ZFHX3: variants seen among roughly 807,000 people sequenced by gnomAD.
ZFHX3 encodes zinc finger homeobox protein 3.
A neutral mutation model predicts 279.1 loss-of-function variants in ZFHX3; 42 were observed. The ratio of observed to expected loss-of-function variants is 0.15; its 90% CI spans 0.12 to 0.19. The LOEUF (loss-of-function observed/expected upper bound fraction) is 0.19, where lower values mean the gene tolerates loss of function less well. ZFHX3 is among the 10% of genes least tolerant of loss of function. The pLI is 1.00. For missense variants in ZFHX3, 4,981 were observed against 4,754.0 expected (o/e 1.05, Z -1.40); for synonymous variants, 2,293 against 1,957.8 (o/e 1.17, Z -4.52).
intron 2 of ZFHX3, among the ~76,000 whole-genome samples, chr16:73,482,582 T>G (rs563656673): frequency 2.0e-5 from 3 of 152,254 alleles, no homozygotes; most frequent in Admixed American, 2.0e-4. Flanking sequence ...CAACACTAAT[T>G]AGTAATGCAA....
At chr16:73,568,818 A>G (rs2020486937) in intron 2 of ZFHX3, among the ~76,000 whole-genome samples, 1 of 152,036 alleles carries the variant, frequency 6.6e-6, no homozygotes, top group African/African-American at 2.4e-5. Context: ...CTCAAAACAG[A>G]TTACATGGTA....
At chr16:72,882,976 G>C (rs2038520947) in intron 4 of ZFHX3, among the ~76,000 whole-genome samples, 1 of 123,324 alleles carries the variant, frequency 8.1e-6, no homozygotes. Flanking sequence ...CACCACTCTG[G>C]GGTGTGTGTG....
chr16:73,770,910 T>C (rs1368393256), intron 1 of ZFHX3, among the ~76,000 whole-genome samples: 3 of 152,188 alleles, frequency 2.0e-5, no homozygotes, highest in Non-Finnish European at 2.9e-5. Context: ...GACGGATGGA[T>C]GGATCACTTT....
At chr16:73,787,598 T>C (rs1394601495) in intron 1 of ZFHX3, among the ~76,000 whole-genome samples, 1 of 152,240 alleles carries the variant, frequency 6.6e-6, no homozygotes, top group East Asian at 1.9e-4. Flanking sequence ...GTCCTAGGAA[T>C]GAAGGGAAAT....
chr16:73,833,579 G>A (rs1214749903), intron 1 of ZFHX3, among the ~76,000 whole-genome samples: 1 of 151,610 alleles, frequency 6.6e-6, no homozygotes, highest in Non-Finnish European at 1.5e-5. Flanking sequence ...ACAGGGAGGA[G>A]AACATCACAC....
chr16:72,957,636 T>C lies in ZFHX3; in HGVS notation c.2510A>G (p.Gln837Arg), dbSNP rs770956965. The C allele has an allele frequency of 3.1e-6, 5 of 1,614,084 alleles. No homozygotes were observed. In the South Asian group the frequency reaches 3.3e-5, roughly 11 times the overall value. ...GTTGTGTTGGATCTGGGTCATGTTC[T>C]GTTGCAGTAACATCATGTTATGCAT... ...KHMHNMMLLQ[Q>R]NMTQIQHNRH... Residue 837 changes from glutamine to arginine, a missense_variant, in exon 2 of 10, where the codon CAG becomes CGG. Gln to Arg is a conservative substitution (Grantham distance 43). Coordinates refer to ENST00000268489, the MANE Select transcript of ZFHX3 (RefSeq NM_006885.4).
At chr16:73,058,577 G>A (rs1257114525) in exon 1 of ZFHX3, 2 of 230,758 alleles carry the variant, frequency 8.7e-6, no homozygotes, top group Non-Finnish European at 8.3e-6. Flanking sequence ...TGCTGGCGAC[G>A]GCGGCGGCGG....
At chr16:73,653,612 C>T (rs117905120) in intron 2 of ZFHX3, among the ~76,000 whole-genome samples, 1,978 of 150,136 alleles carry the variant, frequency 0.013, 20 homozygotes, top group Non-Finnish European at 0.023. Context: ...AGTGAAAATT[C>T]GGAAAAGTTA....
intron 1 of ZFHX3, among the ~76,000 whole-genome samples, chr16:72,990,565 G>T (rs1314177440): frequency 6.6e-6 from 1 of 152,072 alleles, no homozygotes; most frequent in Non-Finnish European, 1.5e-5. Flanking sequence ...ATCTTAAAAG[G>T]GATCCACCCT....
chr16:72,867,915 G>A (rs1337796434), intron 4 of ZFHX3, among the ~76,000 whole-genome samples: 1 of 152,190 alleles, frequency 6.6e-6, no homozygotes, highest in Non-Finnish European at 1.5e-5. Context: ...AATATCAAGA[G>A]CCGCACAGAG....
chr16:72,817,864 A>G (rs2036658572), intron 5 of ZFHX3, among the ~76,000 whole-genome samples: 1 of 152,144 alleles, frequency 6.6e-6, no homozygotes, highest in South Asian at 2.1e-4. Flanking sequence ...CCACCTCTCA[A>G]CCATCAGACT....
intron 5 of ZFHX3, among the ~76,000 whole-genome samples, chr16:73,200,037 C>T (rs1199427782): frequency 6.6e-6 from 1 of 151,798 alleles, no homozygotes; most frequent in African/African-American, 2.4e-5. Flanking sequence ...CAAGGTTCCA[C>T]ATGGAAAAAA....
intron 6 of ZFHX3, among the ~76,000 whole-genome samples, chr16:73,131,681 A>G (rs1373130269): frequency 6.6e-6 from 1 of 152,230 alleles, no homozygotes; most frequent in Non-Finnish European, 1.5e-5. Context: ...TGGGGCCAGT[A>G]CAAGATCTGA....
intron 4 of ZFHX3, among the ~76,000 whole-genome samples, chr16:72,844,887 G>T (rs570574107): frequency 6.8e-6 from 1 of 147,054 alleles, no homozygotes; most frequent in Non-Finnish European, 1.5e-5. Flanking sequence ...CCTCATTTCC[G>T]AGATGAATGA....
intron 2 of ZFHX3, among the ~76,000 whole-genome samples, chr16:73,581,576 T>C (rs181169337): frequency 5.3e-5 from 8 of 151,762 alleles, no homozygotes; most frequent in Non-Finnish European, 4.4e-5. Context: ...TAAATAGTTA[T>C]TAATTCTATT....
chr16:72,835,359 A>G (rs774166566), intron 4 of ZFHX3, among the ~76,000 whole-genome samples: 9 of 152,152 alleles, frequency 5.9e-5, no homozygotes, highest in Admixed American at 1.3e-4. Flanking sequence ...CCTGTTCTGA[A>G]TATGTATAAC....
chr16:73,460,684 A>G (rs2018456096), intron 2 of ZFHX3, among the ~76,000 whole-genome samples: 2 of 152,268 alleles, frequency 1.3e-5, no homozygotes, highest in Admixed American at 6.5e-5. Context: ...GTAATTCCCA[A>G]TGTTGGAGGT....
intron 2 of ZFHX3, among the ~76,000 whole-genome samples, chr16:73,644,170 T>G (rs1481190544): frequency 3.3e-5 from 5 of 152,114 alleles, no homozygotes; most frequent in African/African-American, 1.2e-4. Flanking sequence ...CTCTCCGGTT[T>G]ATACCCATTC....
chr16:73,868,970 G>A (rs887986181), intron 1 of ZFHX3, among the ~76,000 whole-genome samples: 1 of 151,774 alleles, frequency 6.6e-6, no homozygotes, highest in Non-Finnish European at 1.5e-5. Context: ...TCCTTGCCTT[G>A]GAACTTGTCC....
Sources: allele counts gnomAD v4.1 joint callset (sites outside exome capture counted in the v4.1 genomes callset), GRCh38; gene constraint gnomAD v4.1.1; transcripts MANE v1.5; gene names NCBI Gene and HGNC (gene_info 2026-07-23, HGNC 2026-07-21).